NUDT5: variants seen among roughly 807,000 people sequenced by gnomAD.
The protein encoded by NUDT5 is ADP-sugar pyrophosphatase.
A neutral mutation model predicts 34.1 loss-of-function variants in NUDT5; 21 were observed. The observed-to-expected ratio is 0.62, with a 90% CI of 0.44 to 0.89. The LOEUF is 0.89. Ranked by LOEUF, NUDT5 falls within the 40% of genes least tolerant of loss-of-function variation. The probability of loss-of-function intolerance (pLI) is 0.00; values close to 1 mark genes in which losing one functional copy is unlikely to be tolerated. For synonymous variants in NUDT5, 85 were observed against 97.6 expected, an observed-to-expected ratio of 0.87 and a Z score of 0.76; for missense variants, 249 against 274.8, an observed-to-expected ratio of 0.91 and a Z score of 0.66.
At position 12,169,268 on chromosome 10, in the gene NUDT5, A is replaced by C; in HGVS notation, c.550+1449T>G. 6.4e-7 allele frequency: 1 copy of C among 1,550,778 alleles called. No homozygotes were observed. The highest frequency in any genetic ancestry group is 8.7e-7 in the Non-Finnish European group (1 of 1,145,498). ...TCTCCCTTTTCTAAGACCAAAAGTG[A>C]AGTTAAGAAGGTGGAAGGGAGAAGG... On this transcript the variant is annotated intron_variant, in intron 9 of 9. Transcript: ENST00000491614. This position sits in a 1 kb window ranked among gnomAD's most constrained non-coding sequence, Gnocchi z 4.8.
rs1337789693 is a variant in NUDT5 at position 12,175,887 on chromosome 10, AAAAAAG to A, written c.289+1900_289+1905del. On this transcript the variant is annotated intron_variant, in intron 5 of 9. Coordinates refer to ENST00000491614, the MANE Select transcript of NUDT5 (RefSeq NM_014142.4). The surrounding 1 kb of genome is among the most constrained non-coding windows in gnomAD (Gnocchi z 4.8). The stretch of plus-strand genomic sequence containing the variant: ...CAGCAACAGAGACCCCATCTCAAAG[AAAAAAG>A]AAAAAGTGAGAGAAGAATTTATTCA... Among the ~76,000 whole-genome samples, 1 of 152,184 alleles carries A rather than the reference AAAAAAG, an allele frequency of 6.6e-6. No individual in the cohort carries two copies. Among genetic ancestry groups the A allele is most frequent in the Non-Finnish European group, 1.5e-5 (1 of 68,030 alleles).
intron 5 of NUDT5, among the ~76,000 whole-genome samples, chr10:12,177,483 C>T (rs1834972110): frequency 6.6e-6 from 1 of 152,220 alleles, no homozygotes; most frequent in African/African-American, 2.4e-5. Context: ...CGTGCCACTG[C>T]ACTCCAGCCT....
intron 2 of NUDT5, 50 bp from the exon 3 acceptor site, chr10:12,185,006 T>G (rs1835103342): frequency 1.0e-6 from 1 of 999,120 alleles, no homozygotes; most frequent in African/African-American, 1.6e-5. Context: ...CCAAGTTGTT[T>G]TTATCTAAAA....
rs1027730007 is a variant in NUDT5, at chr10:12,182,618, T to A, written c.131+2271A>T. ...TGAAATAGATATTCTGAAGTGAGAT[T>A]TCGTCGTATTTTCAGAAAAGTCCCC... On this transcript the variant is annotated intron_variant, in intron 3 of 9. Transcript: ENST00000491614. This position sits in a 1 kb window ranked among gnomAD's most constrained non-coding sequence, Gnocchi z 4.3. Among the ~76,000 whole-genome samples, 8 of 152,210 alleles carry A rather than the reference T, an allele frequency of 5.3e-5. No homozygotes were observed. The highest frequency in any genetic ancestry group is 8.8e-5 in the Non-Finnish European group (6 of 68,038).
At chr10:12,194,493 T>C (rs1284528637) in intron 1 of NUDT5, among the ~76,000 whole-genome samples, 1 of 152,182 alleles carries the variant, frequency 6.6e-6, no homozygotes, top group Non-Finnish European at 1.5e-5. Context: ...AAATGATGAA[T>C]CATGACTGTC....
intron 5 of NUDT5, among the ~76,000 whole-genome samples, chr10:12,177,487 C>T (rs903169478): frequency 2.6e-5 from 4 of 152,310 alleles, no homozygotes; most frequent in Non-Finnish European, 5.9e-5. Flanking sequence ...CCACTGCACT[C>T]CAGCCTGGGT....
At position 12,172,828 on chromosome 10, in the gene NUDT5, G is replaced by A. The variant is rs1371975886; in HGVS notation, c.424C>T (p.His142Tyr). Residue 142 changes from histidine (H) to tyrosine (Y), a missense_variant, in exon 7 of 10, where the codon CAC becomes TAC. His to Tyr is a moderately conservative substitution (Grantham distance 83). Transcript: ENST00000491614. ...MDPGLSNCTI[H>Y]IVTVTINGDD... ...CCGTTAATGGTGACTGTCACGATGT[G>A]TATAGTACAGTTTGACAAGCCTGGG... 1.9e-6 allele frequency: 3 copies of A among 1,614,122 alleles called. No homozygotes were observed. The highest frequency in any genetic ancestry group is 2.2e-5 in the East Asian group (1 of 44,902).
intron 1 of NUDT5, among the ~76,000 whole-genome samples, chr10:12,191,243 G>T (rs1202456416): frequency 2.0e-5 from 3 of 152,030 alleles, no homozygotes; most frequent in African/African-American, 7.2e-5. Flanking sequence ...AATTAGCCAG[G>T]CTTGGTGGTG....
chr10:12,172,889 G>C lies in NUDT5; in HGVS notation c.386-23C>G, dbSNP rs370202568. On this transcript the variant is annotated intron_variant, in intron 6 of 9. Transcript: ENST00000491614. ...CCGCTGTGGAGAGAAGGGACAGTCA[G>C]ATGCGTCAGTCCCTTTGGCATTTGT... 20 of 1,510,554 alleles carry C rather than the reference G, an allele frequency of 1.3e-5. No individual in the cohort carries two copies. The African/African-American group carries it at 2.7e-4, about 21-fold the overall frequency. 93.6% of individuals were successfully genotyped at this position (1,510,554 alleles called of 1,614,324 possible). A position where few individuals can be genotyped will look rare whatever the true frequency, so the allele number is the denominator to read the frequency against.
In NUDT5 at chr10:12,187,989, A is replaced by G. The variant is rs1450458361; in HGVS notation, c.-41-1657T>C. On this transcript the variant is annotated intron_variant, in intron 1 of 9. Coordinates refer to ENST00000491614, the MANE Select transcript of NUDT5 (RefSeq NM_014142.4). This position sits in a 1 kb window ranked among gnomAD's most constrained non-coding sequence, Gnocchi z 5.4. The stretch of plus-strand genomic sequence containing the variant: ...CTCCACAAAAATAAAAAATAAAAAA[A>G]TTAGCCGGGTGTGGTGGTGGGCACC... Among the ~76,000 whole-genome samples the G allele has an allele frequency of 6.6e-6, 1 of 152,164 alleles. No individual in the cohort carries two copies. The highest frequency in any genetic ancestry group is 1.5e-5 in the Non-Finnish European group (1 of 68,042).
chr10:12,188,791 C>T (rs1394796512), intron 1 of NUDT5, among the ~76,000 whole-genome samples: 1 of 149,256 alleles, frequency 6.7e-6, no homozygotes, highest in Non-Finnish European at 1.5e-5. Context: ...CTCCCCCGGA[C>T]CTCATTTTCC....
rs530629857 is a variant in NUDT5, at chr10:12,171,151, A to G, written c.488-243T>C. 1.9e-4 allele frequency among the ~76,000 whole-genome samples: 29 copies of G among 152,348 alleles called. No individual in the cohort carries two copies. Among genetic ancestry groups the G allele is most frequent in the Non-Finnish European group, 3.5e-4 (24 of 68,038 alleles). ...TATTTTTATAGATATGAATCTGCGTATTATGTAAAATATACAGAACATATA... is the reference window on the plus strand; with the variant it reads ...TATTTTTATAGATATGAATCTGCGTGTTATGTAAAATATACAGAACATATA... On this transcript the variant is annotated intron_variant, in intron 7 of 9. Transcript: ENST00000491614. This position sits in a 1 kb window ranked among gnomAD's most constrained non-coding sequence, Gnocchi z 4.2.
rs921533779 is a variant in NUDT5 at position 12,186,352 on chromosome 10, G to A, written c.-41-20C>T. The A allele has an allele frequency of 8.1e-7, 1 of 1,233,678 alleles. No individual in the cohort carries two copies. Among genetic ancestry groups the A allele is most frequent in the Non-Finnish European group, 1.2e-6 (1 of 836,768 alleles). The allele number at this position is 1,233,678 out of a possible 1,614,324, so 76.4% of individuals were successfully genotyped here. A position where few individuals can be genotyped will look rare whatever the true frequency, so the allele number is the denominator to read the frequency against. On this transcript the variant is annotated intron_variant, in intron 1 of 9. Transcript: ENST00000491614. ...TTCACCCTGCAAGATAATGAGATTTGTTCAGGCTAAAATTATTTTTCTGAA... is the reference window on the plus strand; with the variant it reads ...TTCACCCTGCAAGATAATGAGATTTATTCAGGCTAAAATTATTTTTCTGAA...
In NUDT5 at chr10:12,169,934, A is replaced by G. The variant is rs1259026299; in HGVS notation, c.550+783T>C. On this transcript the variant is annotated intron_variant, in intron 9 of 9. Coordinates refer to ENST00000491614, the MANE Select transcript of NUDT5 (RefSeq NM_014142.4). The surrounding 1 kb of genome is among the most constrained non-coding windows in gnomAD (Gnocchi z 4.8). ...GTTATCAATTACCTAAAACACTTATACCCAATAAAATATTCCCATGATGAC... is the reference window on the plus strand; with the variant it reads ...GTTATCAATTACCTAAAACACTTATGCCCAATAAAATATTCCCATGATGAC... 1 of 573,970 alleles carries G rather than the reference A, an allele frequency of 1.7e-6. No individual in the cohort carries two copies. The highest frequency in any genetic ancestry group is 3.1e-6 in the Non-Finnish European group (1 of 320,838). 35.6% of individuals were successfully genotyped at this position (573,970 alleles called of 1,614,324 possible).
In NUDT5 at chr10:12,182,526, A is replaced by T. The variant is rs567210332; in HGVS notation, c.131+2363T>A. On this transcript the variant is annotated intron_variant, in intron 3 of 9. Coordinates refer to ENST00000491614, the MANE Select transcript of NUDT5 (RefSeq NM_014142.4). This position sits in a 1 kb window ranked among gnomAD's most constrained non-coding sequence, Gnocchi z 4.3. ...GCCAGGAAAAAAACCCTATGTATGG[A>T]AGAATGGACATGACCATGCTATAAA... Among the ~76,000 whole-genome samples, 2 of 152,286 alleles carry T rather than the reference A, an allele frequency of 1.3e-5. No homozygotes were observed. Among genetic ancestry groups the T allele is most frequent in the East Asian group, 1.9e-4 (1 of 5,188 alleles).
intron 7 of NUDT5, 180 bp downstream of exon 7, chr10:12,172,585 G>A (rs983321053): frequency 1.7e-6 from 1 of 598,632 alleles, no homozygotes; most frequent in Non-Finnish European, 3.0e-6. Flanking sequence ...TGAATGAAGT[G>A]GCAAAAGAAA....
In NUDT5 at chr10:12,182,384, A is replaced by G. The variant is rs550619191; in HGVS notation, c.131+2505T>C. 1.3e-5 allele frequency among the ~76,000 whole-genome samples: 2 copies of G among 152,318 alleles called. No homozygotes were observed. The highest frequency in any genetic ancestry group is 3.9e-4 in the East Asian group (2 of 5,182). On this transcript the variant is annotated intron_variant, in intron 3 of 9. Coordinates refer to ENST00000491614, the MANE Select transcript of NUDT5 (RefSeq NM_014142.4). This position sits in a 1 kb window ranked among gnomAD's most constrained non-coding sequence, Gnocchi z 4.3. ...CACGCAGGCTTTTATATCAGGTCAGAGATAACACATCCTATAAATTATACA... is the reference window on the plus strand; with the variant it reads ...CACGCAGGCTTTTATATCAGGTCAGGGATAACACATCCTATAAATTATACA...
intron 3 of NUDT5, among the ~76,000 whole-genome samples, chr10:12,183,810 T>C (rs907705420): frequency 7.2e-5 from 11 of 152,210 alleles, no homozygotes; most frequent in African/African-American, 2.7e-4. Context: ...TTGAAAAGCA[T>C]ATACATACTT....
chr10:12,193,166 A>T (rs1477188316), intron 1 of NUDT5, among the ~76,000 whole-genome samples: 4 of 152,204 alleles, frequency 2.6e-5, no homozygotes. Context: ...TAGTCCAGGC[A>T]GGAGATGACA....
Sources: allele counts gnomAD v4.1 joint callset (sites outside exome capture counted in the v4.1 genomes callset), GRCh38; gene constraint gnomAD v4.1.1; non-coding constraint Gnocchi (gnomAD v3.1); transcripts MANE v1.5; gene names NCBI Gene and HGNC (gene_info 2026-07-23, HGNC 2026-07-21).